The following DDX6 variants were observed in gnomAD, a reference collection of about 807,000 sequenced individuals.
DDX6 encodes probable ATP-dependent RNA helicase DDX6.
A neutral mutation model predicts 60.6 loss-of-function variants in DDX6; 7 were observed. That is an observed-to-expected ratio of 0.12 (90% CI 0.07 to 0.22). The LOEUF is 0.22. Among genes scored for constraint, DDX6 ranks in the 10% least tolerant of loss-of-function variants. DDX6 has a pLI of 1.00. For missense variants in DDX6, 270 were observed against 589.9 expected, an observed-to-expected ratio of 0.46 and a Z score of 5.62; for synonymous variants, 207 against 201.0, an observed-to-expected ratio of 1.03 and a Z score of -0.25.
chr11:118,759,566 G>A (rs1156873695), intron 8 of DDX6, among the ~76,000 whole-genome samples: 3 of 152,094 alleles, frequency 2.0e-5, no homozygotes, highest in South Asian at 2.1e-4. Flanking sequence ...CATCATGTTC[G>A]TGGCTCAAAA....
intron 1 of DDX6, among the ~76,000 whole-genome samples, chr11:118,790,528 G>A (rs775536183): frequency 6.6e-6 from 1 of 152,000 alleles, no homozygotes; most frequent in Non-Finnish European, 1.5e-5. Flanking sequence ...AATACAGCAT[G>A]TCCCTGCCGC....
chr11:118,775,413 G>A (rs1861665980), intron 4 of DDX6, among the ~76,000 whole-genome samples: 1 of 152,106 alleles, frequency 6.6e-6, no homozygotes, highest in Non-Finnish European at 1.5e-5. Context: ...TAGGGGATCT[G>A]TAAATTTTGT....
intron 2 of DDX6, among the ~76,000 whole-genome samples, chr11:118,783,043 GACC>G (rs1220945249): frequency 1.3e-5 from 2 of 151,988 alleles, no homozygotes; most frequent in Non-Finnish European, 2.9e-5. Flanking sequence ...TGCAAAACCT[GACC>G]ACAAGAAATT....
rs180745373 is a variant in DDX6 at position 118,752,106 on chromosome 11, G to A, written c.*8-9C>T. 566 of 223,548 alleles carry A rather than the reference G, an allele frequency of 2.5e-3. 7 individuals carry two copies. The highest frequency in any genetic ancestry group is 0.011 in the Admixed American group (188 of 16,628). The allele number at this position is 223,548 out of a possible 1,614,324, so 13.8% of individuals were successfully genotyped here. Reference sequence around the variant, plus strand: ...TTGTAATTTGTCAAAGCCTACAGAAGAAGAGAATACAAAATTAACATTCTG... The same window carrying A: ...TTGTAATTTGTCAAAGCCTACAGAAAAAGAGAATACAAAATTAACATTCTG... On this transcript the variant is annotated splice_polypyrimidine_tract_variant and intron_variant, in intron 13 of 13. Coordinates refer to ENST00000534980, the MANE Select transcript of DDX6 (RefSeq NM_004397.6).
intron 13 of DDX6, among the ~76,000 whole-genome samples, chr11:118,752,597 T>C (rs1221746736): frequency 1.3e-5 from 2 of 151,664 alleles, no homozygotes; most frequent in Non-Finnish European, 2.9e-5. Flanking sequence ...ACATGGTAAA[T>C]CCTCGTCTCT....
chr11:118,763,888 A>G (rs1861261390), intron 6 of DDX6, among the ~76,000 whole-genome samples: 1 of 151,768 alleles, frequency 6.6e-6, no homozygotes, highest in Admixed American at 6.6e-5. Context: ...TGTGTTATAG[A>G]GGTGGAAATA....
intron 7 of DDX6, among the ~76,000 whole-genome samples, chr11:118,761,003 A>C (rs1008697690): frequency 6.6e-6 from 1 of 151,900 alleles, no homozygotes; most frequent in African/African-American, 2.4e-5. Flanking sequence ...AGCTGTGCAC[A>C]GTGGCAAGCG....
intron 2 of DDX6, among the ~76,000 whole-genome samples, chr11:118,784,944 T>C (rs1189138893): frequency 1.3e-5 from 2 of 152,108 alleles, no homozygotes; most frequent in Non-Finnish European, 2.9e-5. Flanking sequence ...CGGGGTTTAT[T>C]TTTAGTAGAG....
rs1274344810 is a variant in DDX6, at chr11:118,751,121, C to G, written c.*984G>C. On this transcript the variant is annotated 3_prime_UTR_variant, in exon 14 of 14. Transcript: ENST00000534980. ...AAAAAAACTTATTTACAAAGTTATA[C>G]AAGTATACACACCCAATTTTCTATG... 1 of 147,166 alleles carries G rather than the reference C, an allele frequency of 6.8e-6. No individual in the cohort carries two copies. The highest frequency in any genetic ancestry group is 1.5e-5 in the Non-Finnish European group (1 of 66,948). The allele number at this position is 147,166 out of a possible 1,614,324, so 9.1% of individuals were successfully genotyped here.
chr11:118,789,132 G>A (rs1195921284), intron 1 of DDX6: 1 of 143,910 alleles, frequency 6.9e-6, no homozygotes, highest in Non-Finnish European at 1.5e-5. Flanking sequence ...TTGGAGTGCA[G>A]TGGCACAATC....
intron 2 of DDX6, 121 bp downstream of exon 2, chr11:118,785,931 T>A (rs1157876392): frequency 1.1e-6 from 1 of 879,850 alleles, no homozygotes; most frequent in African/African-American, 1.7e-5. Flanking sequence ...AACAAAGTCA[T>A]CTGTCCTCTA....
intron 4 of DDX6, among the ~76,000 whole-genome samples, chr11:118,769,235 T>TC (rs1861455376): frequency 6.6e-6 from 1 of 152,112 alleles, no homozygotes; most frequent in South Asian, 2.1e-4. Flanking sequence ...CTTGGACACC[T>TC]CATCCCTGCA....
Position 118,754,852 on chromosome 11 carries a change from T to C in DDX6, c.1312A>G (p.Ile438Val). 6.2e-7 allele frequency: 1 copy of C among 1,611,488 alleles called. No homozygotes were observed. Among genetic ancestry groups the C allele is most frequent in the Non-Finnish European group, 8.5e-7 (1 of 1,179,328 alleles). ...AGGTTGAAGCGATCATCATATGTGA[T>C]CAAGTTGATGGCTAAGCCAAGATGA... The part of the protein sequence containing the change: ...FGHLGLAINL[I>V]TYDDRFNLKS... Residue 438 changes from isoleucine (I) to valine (V), a missense_variant, in exon 13 of 14, where the codon ATC (isoleucine) becomes GTC (valine). Coordinates refer to ENST00000534980, the MANE Select transcript of DDX6 (RefSeq NM_004397.6).
chr11:118,782,281 C>T (rs1861925052), intron 2 of DDX6, among the ~76,000 whole-genome samples: 1 of 152,134 alleles, frequency 6.6e-6, no homozygotes. Flanking sequence ...AGCCAATGAG[C>T]ATCTCTTAAT....
At chr11:118,772,065 A>G (rs546598079) in intron 4 of DDX6, among the ~76,000 whole-genome samples, 11 of 152,202 alleles carry the variant, frequency 7.2e-5, no homozygotes, top group African/African-American at 1.7e-4. Flanking sequence ...ATAAAACTTC[A>G]TAAGGTTAAA....
chr11:118,771,669 A>C lies in DDX6; in HGVS notation c.370-3317T>G, dbSNP rs547430018. Among the ~76,000 whole-genome samples, 3 of 152,272 alleles carry C rather than the reference A, an allele frequency of 2.0e-5. No individual in the cohort carries two copies. In the South Asian group the frequency reaches 6.2e-4, roughly 31 times the overall value. ...TTTTTTTAAAACTTACTATGTGCTC[A>C]GCACAACTTTCAAGTTAGGTACTTT... On this transcript the variant is annotated intron_variant, in intron 4 of 13. Coordinates refer to ENST00000534980, the MANE Select transcript of DDX6 (RefSeq NM_004397.6).
chr11:118,765,180 T>A lies in DDX6; in HGVS notation c.646+29A>T, dbSNP rs375510694. 51 of 1,609,810 alleles carry A rather than the reference T, an allele frequency of 3.2e-5. No individual in the cohort carries two copies. In the African/African-American group the frequency reaches 6.4e-4, roughly 20 times the overall value. The stretch of plus-strand genomic sequence containing the variant: ...ACTTGTGACTAAAATAACAGAGAGC[T>A]ACACTACCTTTTAGTAATCATTTCT... On this transcript the variant is annotated intron_variant, in intron 6 of 13. Transcript: ENST00000534980.
At chr11:118,752,155 T>A (rs575905113) in intron 13 of DDX6, 58 bp from the exon 14 acceptor site, 2 of 195,558 alleles carry the variant, frequency 1.0e-5, no homozygotes, top group African/African-American at 4.8e-5. Flanking sequence ...CTAGGATACA[T>A]AGGTTTTCAC....
At chr11:118,754,613 A>G in intron 13 of DDX6, 92 bp downstream of exon 13, 1 of 1,139,708 alleles carries the variant, frequency 8.8e-7, no homozygotes, top group Non-Finnish European at 1.3e-6. Context: ...TATTGCTATT[A>G]TATATGGTGT....
Sources: gnomAD v4.1 joint callset for allele counts (sites outside exome capture counted in the v4.1 genomes callset) on GRCh38, gnomAD v4.1.1 for gene constraint, MANE v1.5 for transcripts, NCBI Gene and HGNC (gene_info 2026-07-23, HGNC 2026-07-21) for gene names.